Variants in RGS7 observed in about 807,000 individuals in gnomAD.
RGS7 encodes the protein regulator of G-protein signaling 7.
In RGS7, 27 loss-of-function variants were observed where a neutral mutation model predicts 81.1. The observed-to-expected ratio is 0.33, with a 90% CI of 0.25 to 0.46. The LOEUF is 0.46. Ranked by LOEUF, RGS7 falls within the 20% of genes least tolerant of loss-of-function variation. The pLI, the probability that RGS7 is intolerant of heterozygous loss-of-function variation, is 1.00. For synonymous variants in RGS7, 208 were observed against 207.7 expected, an observed-to-expected ratio of 1.00 and a Z score of -0.01; for missense variants, 396 against 607.4, an observed-to-expected ratio of 0.65 and a Z score of 3.66.
intron 2 of RGS7, among the ~76,000 whole-genome samples, chr1:241,105,485 G>A (rs1049152001): frequency 3.3e-5 from 5 of 152,210 alleles, no homozygotes; most frequent in African/African-American, 9.6e-5. Context: ...ATGAAAGAAG[G>A]AGCATATTAC....
At chr1:241,344,204 T>C (rs1412251517) in intron 2 of RGS7, among the ~76,000 whole-genome samples, 2 of 152,226 alleles carry the variant, frequency 1.3e-5, no homozygotes, top group African/African-American at 4.8e-5. Flanking sequence ...CTTTATATTA[T>C]TTCCTCCACT....
intron 2 of RGS7, among the ~76,000 whole-genome samples, chr1:241,264,939 C>T (rs2077508418): frequency 2.6e-5 from 4 of 152,252 alleles, no homozygotes; most frequent in African/African-American, 9.6e-5. Context: ...TTTCCCCCTC[C>T]ATGGGGCTCC....
chr1:241,051,135 G>C (rs1003478088), intron 3 of RGS7, among the ~76,000 whole-genome samples: 1 of 152,262 alleles, frequency 6.6e-6, no homozygotes, highest in East Asian at 1.9e-4. Flanking sequence ...AGGTGGGAGG[G>C]AGGCAGTAGC....
intron 3 of RGS7, among the ~76,000 whole-genome samples, chr1:241,005,445 C>G (rs546055761): frequency 6.6e-6 from 1 of 152,114 alleles, no homozygotes; most frequent in Non-Finnish European, 1.5e-5. Context: ...CAAAAAAAAA[C>G]TAGGATTCTC....
At chr1:241,019,073 A>C (rs996387895) in intron 3 of RGS7, among the ~76,000 whole-genome samples, 5 of 152,136 alleles carry the variant, frequency 3.3e-5, no homozygotes, top group Non-Finnish European at 7.4e-5. Context: ...TTTTAAAGGG[A>C]AAGCCTACAA....
At chr1:240,865,690 C>T (rs991385744) in intron 9 of RGS7, among the ~76,000 whole-genome samples, 3 of 152,200 alleles carry the variant, frequency 2.0e-5, no homozygotes, top group Non-Finnish European at 4.4e-5. Context: ...TTGATTATGA[C>T]AACTGCAGAA....
intron 4 of RGS7, among the ~76,000 whole-genome samples, chr1:240,954,184 G>A (rs1255922861): frequency 2.0e-5 from 3 of 152,008 alleles, no homozygotes; most frequent in South Asian, 2.1e-4. Context: ...ATTTAGGGAA[G>A]AGATGATTCC....
intron 13 of RGS7, among the ~76,000 whole-genome samples, chr1:240,812,375 T>C (rs1047751140): frequency 6.6e-6 from 1 of 151,950 alleles, no homozygotes; most frequent in African/African-American, 2.4e-5. Flanking sequence ...CTTGCCAATG[T>C]CAGGCAAGTA....
chr1:240,823,070 C>A, intron 10 of RGS7: 1 of 758,818 alleles, frequency 1.3e-6, no homozygotes. Context: ...TCCTCAATGT[C>A]ACCTGGAATT....
chr1:241,150,499 A>C (rs896399473), intron 2 of RGS7, among the ~76,000 whole-genome samples: 7 of 152,214 alleles, frequency 4.6e-5, no homozygotes, highest in African/African-American at 1.7e-4. Context: ...TAAGGGTTCA[A>C]AATGGTAGGA....
At chr1:241,338,641 T>C (rs1006324071) in intron 2 of RGS7, among the ~76,000 whole-genome samples, 2 of 151,842 alleles carry the variant, frequency 1.3e-5, no homozygotes, top group Admixed American at 6.6e-5. Flanking sequence ...TGTAGGAAAA[T>C]GGCAATTTTA....
At position 241,069,746 on chromosome 1, in the gene RGS7, C is replaced by T. The variant is rs147793342; in HGVS notation, c.175+28920G>A. ...CTTCACTGACATATTTCCGAAACAT[C>T]AGAAAATATTCTAATCAAAACCGCT... On this transcript the variant is annotated intron_variant, in intron 3 of 18. Transcript: ENST00000440928. 2.3e-3 allele frequency among the ~76,000 whole-genome samples: 351 copies of T among 152,200 alleles called. 1 individual carries two copies. Among genetic ancestry groups the T allele is most frequent in the African/African-American group, 8.0e-3 (333 of 41,520 alleles).
chr1:241,049,287 T>C (rs1458460700), intron 3 of RGS7, among the ~76,000 whole-genome samples: 1 of 152,242 alleles, frequency 6.6e-6, no homozygotes, highest in Non-Finnish European at 1.5e-5. Context: ...TACATTCAAC[T>C]GGACATTACT....
rs558276348 is a variant in RGS7, at chr1:241,123,503, C to A, written c.79-24741G>T. On this transcript the variant is annotated intron_variant, in intron 2 of 18. Transcript: ENST00000440928. ...CGGTGGCTCACGCCTGTAATCCCAGCACTTTGGGATGCCAAGGCGGGTGGA... is the reference window on the plus strand; with the variant it reads ...CGGTGGCTCACGCCTGTAATCCCAGAACTTTGGGATGCCAAGGCGGGTGGA... 7.2e-5 allele frequency among the ~76,000 whole-genome samples: 11 copies of A among 152,316 alleles called. No individual in the cohort carries two copies. In the South Asian group the frequency reaches 2.1e-3, roughly 29 times the overall value.
At chr1:241,301,011 T>C (rs749301571) in intron 2 of RGS7, among the ~76,000 whole-genome samples, 2 of 152,268 alleles carry the variant, frequency 1.3e-5, no homozygotes, top group South Asian at 2.1e-4. Context: ...TAGTGAGATA[T>C]ATGTCAAGCA....
At chr1:240,845,657 G>T (rs924369116) in intron 9 of RGS7, among the ~76,000 whole-genome samples, 2 of 152,132 alleles carry the variant, frequency 1.3e-5, no homozygotes, top group African/African-American at 4.8e-5. Context: ...CGAAGTCATT[G>T]TAAAGAATAA....
At chr1:241,236,117 A>C (rs956472464) in intron 2 of RGS7, among the ~76,000 whole-genome samples, 3 of 152,212 alleles carry the variant, frequency 2.0e-5, no homozygotes, top group African/African-American at 7.2e-5. Context: ...CTTAAGAGAA[A>C]GTTACCAAGT....
chr1:241,343,959 C>T lies in RGS7; in HGVS notation c.78+11740G>A, dbSNP rs370514892. ...TAAAGCACGTTGAGTAAGAGGTGTC[C>T]CTTACCTAAGGATCCAAGACAAATA... is the stretch of plus-strand genomic sequence containing the variant. On this transcript the variant is annotated intron_variant, in intron 2 of 18. Coordinates refer to ENST00000440928, the MANE Select transcript of RGS7 (RefSeq NM_001364886.1). Among the ~76,000 whole-genome samples the T allele has an allele frequency of 1.7e-4, 26 of 152,094 alleles. No homozygotes were observed. The South Asian group carries it at 5.4e-3, about 32-fold the overall frequency.
chr1:241,209,411 A>G (rs2074114740), intron 2 of RGS7, among the ~76,000 whole-genome samples: 1 of 152,242 alleles, frequency 6.6e-6, no homozygotes, highest in Admixed American at 6.5e-5. Context: ...GGAGAATGTA[A>G]TAAACATTAG....
Sources: allele counts gnomAD v4.1 joint callset (sites outside exome capture counted in the v4.1 genomes callset), GRCh38; gene constraint gnomAD v4.1.1; transcripts MANE v1.5; gene names NCBI Gene and HGNC (gene_info 2026-07-23, HGNC 2026-07-21).